C1orf21: variants seen among roughly 807,000 people sequenced by gnomAD.
The protein encoded by C1orf21 is uncharacterized protein C1orf21.
In C1orf21, 3 loss-of-function variants were observed where a neutral mutation model predicts 18.7. The observed-to-expected ratio is 0.16, with a 90% CI of 0.07 to 0.42. The LOEUF is 0.42. Among genes scored for constraint, C1orf21 ranks in the 10% least tolerant of loss-of-function variants. C1orf21 has a pLI of 0.99. For synonymous variants in C1orf21, 41 were observed against 46.4 expected (o/e 0.88, Z 0.47); for missense variants, 104 against 143.6 (o/e 0.72, Z 1.41).
At chr1:184,395,843 G>A (rs1362181161) in intron 1 of C1orf21, among the ~76,000 whole-genome samples, 1 of 152,138 alleles carries the variant, frequency 6.6e-6, no homozygotes, top group Non-Finnish European at 1.5e-5. Flanking sequence ...TCACAGAGAG[G>A]GATATATTTG....
chr1:184,506,264 G>A (rs986369292), intron 2 of C1orf21, among the ~76,000 whole-genome samples: 2 of 152,130 alleles, frequency 1.3e-5, no homozygotes, highest in African/African-American at 4.8e-5. Context: ...ACATGCAAAT[G>A]TATTACATTC....
rs551629106 is a variant in C1orf21 at position 184,462,856 on chromosome 1, C to T, written c.-124-14530C>T. On this transcript the variant is annotated intron_variant, in intron 1 of 5. Transcript: ENST00000235307. ...CAGCACTTTGGGAGGCTGAGGTGGGCGGATCACCTGAGGTCAGGAGTTCAA... is the reference window on the plus strand; with the variant it reads ...CAGCACTTTGGGAGGCTGAGGTGGGTGGATCACCTGAGGTCAGGAGTTCAA... 4.6e-5 allele frequency among the ~76,000 whole-genome samples: 7 copies of T among 151,726 alleles called. No individual in the cohort carries two copies. In the South Asian group the frequency reaches 8.3e-4, roughly 18 times the overall value.
intron 3 of C1orf21, among the ~76,000 whole-genome samples, chr1:184,557,827 C>T (rs1482736576): frequency 6.6e-6 from 1 of 151,802 alleles, no homozygotes; most frequent in African/African-American, 2.4e-5. Flanking sequence ...CATAAAATAC[C>T]ACCAACAACT....
At chr1:184,455,896 A>G (rs2101981571) in intron 1 of C1orf21, among the ~76,000 whole-genome samples, 1 of 152,332 alleles carries the variant, frequency 6.6e-6, no homozygotes, top group Middle Eastern at 3.4e-3. Flanking sequence ...ATAGGTGTAG[A>G]GTGTTAAAGC....
intron 1 of C1orf21, among the ~76,000 whole-genome samples, chr1:184,468,699 AC>A (rs1357787273): frequency 1.3e-5 from 2 of 152,116 alleles, no homozygotes; most frequent in Non-Finnish European, 2.9e-5. Context: ...CAGGCAGATC[AC>A]CTGAGGTCAG....
intron 1 of C1orf21, among the ~76,000 whole-genome samples, chr1:184,415,163 G>A (rs955279026): frequency 1.3e-5 from 2 of 152,138 alleles, no homozygotes; most frequent in Non-Finnish European, 2.9e-5. Flanking sequence ...GTTGTGGGGT[G>A]TTGCATTGGA....
intron 1 of C1orf21, among the ~76,000 whole-genome samples, chr1:184,453,907 CT>C (rs1374798841): frequency 6.6e-6 from 1 of 152,144 alleles, no homozygotes; most frequent in African/African-American, 2.4e-5. Flanking sequence ...TATATTTACT[CT>C]TTCTTTCCAG....
intron 3 of C1orf21, among the ~76,000 whole-genome samples, chr1:184,559,019 C>G (rs1658916095): frequency 6.6e-6 from 1 of 152,220 alleles, no homozygotes; most frequent in South Asian, 2.1e-4. Context: ...TTGATATTTT[C>G]TGAGCTTGAG....
intron 5 of C1orf21, among the ~76,000 whole-genome samples, chr1:184,604,025 G>A (rs1659618838): frequency 6.6e-6 from 1 of 152,184 alleles, no homozygotes; most frequent in Non-Finnish European, 1.5e-5. Flanking sequence ...CATGTTATGA[G>A]TCGGTGTGTC....
At chr1:184,461,566 T>C (rs1557978086) in intron 1 of C1orf21, among the ~76,000 whole-genome samples, 1 of 152,222 alleles carries the variant, frequency 6.6e-6, no homozygotes, top group Admixed American at 6.5e-5. Context: ...TCCTGTCTTG[T>C]AGATTGATGA....
intron 3 of C1orf21, among the ~76,000 whole-genome samples, chr1:184,546,462 A>G (rs1658729899): frequency 6.6e-6 from 1 of 152,198 alleles, no homozygotes; most frequent in South Asian, 2.1e-4. Context: ...TGCATTTAGC[A>G]TCTATTCTGT....
chr1:184,552,189 T>G (rs1658822788), intron 3 of C1orf21, among the ~76,000 whole-genome samples: 1 of 152,186 alleles, frequency 6.6e-6, no homozygotes, highest in Non-Finnish European at 1.5e-5. Flanking sequence ...TAGAAAGTGT[T>G]TTTGTCAGAC....
chr1:184,437,013 G>T (rs1450751595), intron 1 of C1orf21, among the ~76,000 whole-genome samples: 2 of 152,114 alleles, frequency 1.3e-5, no homozygotes, highest in African/African-American at 4.8e-5. Flanking sequence ...AGGAAAAAAG[G>T]AATTGTTGAC....
chr1:184,521,211 A>G (rs1393036875), intron 3 of C1orf21, among the ~76,000 whole-genome samples: 1 of 152,176 alleles, frequency 6.6e-6, no homozygotes, highest in African/African-American at 2.4e-5. Context: ...TTTCTAAACA[A>G]AATAGATCTG....
At chr1:184,566,786 G>T in intron 3 of C1orf21, 1 of 437,760 alleles carries the variant, frequency 2.3e-6, no homozygotes, top group South Asian at 1.9e-5. Flanking sequence ...TGCTGCTCTG[G>T]AGGCTGAGCT....
intron 2 of C1orf21, among the ~76,000 whole-genome samples, chr1:184,505,656 A>C (rs949591823): frequency 6.6e-6 from 1 of 151,830 alleles, no homozygotes; most frequent in Non-Finnish European, 1.5e-5. Flanking sequence ...CCAGCTAGTT[A>C]GGAGGCTGAG....
At chr1:184,569,503 A>G (rs947430526) in intron 3 of C1orf21, among the ~76,000 whole-genome samples, 1 of 152,232 alleles carries the variant, frequency 6.6e-6, no homozygotes, top group African/African-American at 2.4e-5. Context: ...GGATTATGGT[A>G]TTCTCCTTTC....
rs566769080 is a variant in C1orf21, at chr1:184,458,000, A to G, written c.-124-19386A>G. On this transcript the variant is annotated intron_variant, in intron 1 of 5. Transcript: ENST00000235307. ...AGAATGATCCTGTAAGGTAGATAGT[A>G]TTATACCCATTTTATAAAAGAGGAA... is the stretch of plus-strand genomic sequence containing the variant. Among the ~76,000 whole-genome samples the G allele has an allele frequency of 2.6e-5, 4 of 152,324 alleles. No homozygotes were observed. The East Asian group carries it at 7.7e-4, about 29-fold the overall frequency.
chr1:184,483,224 A>G (rs1364024848), intron 2 of C1orf21, among the ~76,000 whole-genome samples: 2 of 152,322 alleles, frequency 1.3e-5, no homozygotes, highest in Admixed American at 1.3e-4. Flanking sequence ...GGTCATTCAG[A>G]GGACAGCTGA....
Sources: allele counts gnomAD v4.1 joint callset (sites outside exome capture counted in the v4.1 genomes callset), GRCh38; gene constraint gnomAD v4.1.1; transcripts MANE v1.5; gene names NCBI Gene and HGNC (gene_info 2026-07-23, HGNC 2026-07-21).